Variants in SMYD2 observed in about 807,000 individuals in gnomAD.
The protein encoded by SMYD2 is N-lysine methyltransferase SMYD2.
A neutral mutation model predicts 59.1 loss-of-function variants in SMYD2; 53 were observed. That is an observed-to-expected ratio of 0.90 (90% CI 0.72 to 1.13). The LOEUF is 1.13. Ranked by LOEUF, SMYD2 falls within the 50% of genes most tolerant of loss-of-function variation. The pLI is 0.00. For synonymous variants in SMYD2, 208 were observed against 198.8 expected, an observed-to-expected ratio of 1.05 and a Z score of -0.39; for missense variants, 494 against 544.7, an observed-to-expected ratio of 0.91 and a Z score of 0.93.
chr1:214,331,947 T>G (rs1042644426), intron 9 of SMYD2, 71 bp from the exon 10 acceptor site: 2 of 1,470,748 alleles, frequency 1.4e-6, no homozygotes, highest in Non-Finnish European at 9.2e-7. Flanking sequence ...ACGAAATAAC[T>G]CCTTGAACCC....
In SMYD2 at chr1:214,286,854, TTC is replaced by T. The variant is rs1162058123; in HGVS notation, c.173+5429_173+5430del. On this transcript the variant is annotated intron_variant, in intron 1 of 11. Transcript: ENST00000366957. ...GCCATCAAAATCACTCTGATCTCTC[TTC>T]TTTTTTTTTTTTGAGATGGAGTCTC... Among the ~76,000 whole-genome samples the T allele has an allele frequency of 3.9e-3, 78 of 20,110 alleles. 1 individual carries two copies. In the Middle Eastern group the frequency reaches 0.085, roughly 22 times the overall value. The allele number at this position is 20,110 out of a possible 152,430, so 13.2% of individuals were successfully genotyped here. A position where few individuals can be genotyped will look rare whatever the true frequency, so the allele number is the denominator to read the frequency against.
intron 5 of SMYD2, among the ~76,000 whole-genome samples, chr1:214,320,330 T>G (rs1240471023): frequency 6.6e-6 from 1 of 152,234 alleles, no homozygotes. Context: ...AGTTCACAGT[T>G]GTCTTCCGAG....
chr1:214,330,209 T>C lies in SMYD2; in HGVS notation c.747T>C (p.Asp249=), dbSNP rs781218077. ...TTGATCTCCTGTACCCAACGGAAGA[T>C]AGAAATGACCGGTTAAGAGATTCTT... The part of the protein sequence containing the change: ...SYIDLLYPTE[D]RNDRLRDSYF... The change falls in exon 8 of 12, where the codon GAT becomes GAC. Residue 249 remains aspartate (D), a synonymous_variant. Transcript: ENST00000366957. 9.9e-6 allele frequency: 16 copies of C among 1,613,542 alleles called. No homozygotes were observed. The East Asian group carries it at 3.1e-4, about 31-fold the overall frequency.
At chr1:214,282,640 G>A (rs1388606866) in intron 1 of SMYD2, among the ~76,000 whole-genome samples, 1 of 152,116 alleles carries the variant, frequency 6.6e-6, no homozygotes, top group Admixed American at 6.5e-5. Flanking sequence ...CGTAGCAAAA[G>A]AAGGGACAAA....
Position 214,318,070 on chromosome 1 carries a change from A to G in SMYD2, c.349-9A>G, listed in dbSNP as rs1330611356. The G allele has an allele frequency of 3.7e-6, 6 of 1,612,664 alleles. No homozygotes were observed. The highest frequency in any genetic ancestry group is 1.6e-4 in the Middle Eastern group (1 of 6,084). ...TCTGTATCTGTGTGATTTCTTCCCC[A>G]ATTGCTAGAAAATCCACCCAGAGAG... On this transcript the variant is annotated splice_polypyrimidine_tract_variant and intron_variant, in intron 3 of 11. Coordinates refer to ENST00000366957, the MANE Select transcript of SMYD2 (RefSeq NM_020197.3). This position sits in a 1 kb window ranked among gnomAD's most constrained non-coding sequence, Gnocchi z 5.4.
intron 1 of SMYD2, among the ~76,000 whole-genome samples, chr1:214,289,094 G>A (rs948387019): frequency 6.6e-6 from 1 of 152,186 alleles, no homozygotes; most frequent in African/African-American, 2.4e-5. Flanking sequence ...CACACCACCT[G>A]TGAGAAGGTT....
intron 2 of SMYD2, 123 bp downstream of exon 2, chr1:214,305,373 T>G: frequency 1.0e-6 from 1 of 969,302 alleles, no homozygotes; most frequent in Non-Finnish European, 1.6e-6. Flanking sequence ...TGGCTGGATA[T>G]CCTTGGATGT....
At chr1:214,328,909 G>C (rs1163557758) in intron 7 of SMYD2, among the ~76,000 whole-genome samples, 1 of 152,180 alleles carries the variant, frequency 6.6e-6, no homozygotes, top group African/African-American at 2.4e-5. Context: ...CAGTCACCCA[G>C]GCTCCAGTGC....
chr1:214,329,326 G>A (rs951702650), intron 7 of SMYD2, among the ~76,000 whole-genome samples: 2 of 152,124 alleles, frequency 1.3e-5, no homozygotes, highest in African/African-American at 4.8e-5. Flanking sequence ...CTGCCTGCCT[G>A]GTGGTGCCCG....
In SMYD2 at chr1:214,336,886, T is replaced by C; in HGVS notation, c.*102T>C. The C allele has an allele frequency of 9.8e-7, 1 of 1,024,486 alleles. No individual in the cohort carries two copies. Among genetic ancestry groups the C allele is most frequent in the South Asian group, 1.6e-5 (1 of 61,996 alleles). 63.5% of individuals were successfully genotyped at this position (1,024,486 alleles called of 1,614,324 possible). On this transcript the variant is annotated 3_prime_UTR_variant, in exon 12 of 12. Transcript: ENST00000366957. ...ACGTCACTCCAGCATCTCTGTAAAA[T>C]AATTGGAATGAAAATACTTCTTGCA...
intron 5 of SMYD2, among the ~76,000 whole-genome samples, chr1:214,323,599 T>A (rs1040361601): frequency 5.9e-5 from 9 of 152,030 alleles, no homozygotes; most frequent in African/African-American, 2.2e-4. Context: ...TGCCACCAGA[T>A]CCAGCTAATT....
At chr1:214,336,559 A>T (rs1657442526) in intron 11 of SMYD2, 145 bp from the exon 12 acceptor site, 1 of 572,494 alleles carries the variant, frequency 1.7e-6, no homozygotes, top group African/African-American at 1.9e-5. Context: ...TAAAATAAAA[A>T]CAGGTCCTGG....
At chr1:214,329,561 C>T (rs568147304) in intron 7 of SMYD2, among the ~76,000 whole-genome samples, 1 of 133,156 alleles carries the variant, frequency 7.5e-6, no homozygotes, top group African/African-American at 2.5e-5. Context: ...GCTCGCTGCC[C>T]TGCAGGATCA....
At chr1:214,313,837 C>T (rs1045955435) in intron 2 of SMYD2, among the ~76,000 whole-genome samples, 2 of 152,144 alleles carry the variant, frequency 1.3e-5, no homozygotes, top group Admixed American at 6.5e-5. Flanking sequence ...AAATATCCTT[C>T]ATCCCTCTAC....
intron 1 of SMYD2, among the ~76,000 whole-genome samples, chr1:214,289,659 G>T (rs1213113957): frequency 6.6e-6 from 1 of 152,192 alleles, no homozygotes; most frequent in Non-Finnish European, 1.5e-5. Context: ...GTGTCCTGAT[G>T]ATCACTAGGG....
At chr1:214,289,879 T>TG (rs1656609224) in intron 1 of SMYD2, among the ~76,000 whole-genome samples, 1 of 152,206 alleles carries the variant, frequency 6.6e-6, no homozygotes, top group Non-Finnish European at 1.5e-5. Flanking sequence ...CTCAGGAACT[T>TG]GCATTGTTAG....
chr1:214,308,727 C>T (rs895719362), intron 2 of SMYD2, among the ~76,000 whole-genome samples: 2 of 152,052 alleles, frequency 1.3e-5, no homozygotes, highest in South Asian at 2.1e-4. Flanking sequence ...TGGAGGTTAT[C>T]GAGTTCAATA....
chr1:214,326,630 T>C (rs1657267961), intron 6 of SMYD2, among the ~76,000 whole-genome samples: 2 of 152,186 alleles, frequency 1.3e-5, no homozygotes, highest in African/African-American at 2.4e-5. Context: ...CTTAGGCCTT[T>C]AGCAGCCAGG....
intron 7 of SMYD2, among the ~76,000 whole-genome samples, chr1:214,329,105 C>CAGAA (rs1657309358): frequency 6.6e-6 from 1 of 152,210 alleles, no homozygotes; most frequent in Non-Finnish European, 1.5e-5. Flanking sequence ...GGGGTGGCTG[C>CAGAA]AGTTTCCTTT....
Sources: allele counts gnomAD v4.1 joint callset (sites outside exome capture counted in the v4.1 genomes callset), GRCh38; gene constraint gnomAD v4.1.1; non-coding constraint Gnocchi (gnomAD v3.1); transcripts MANE v1.5; gene names NCBI Gene and HGNC (gene_info 2026-07-23, HGNC 2026-07-21).